SOX6: variants seen among roughly 807,000 people sequenced by gnomAD.
The protein encoded by SOX6 is transcription factor SOX-6.
SOX6 carries 11 observed loss-of-function variants against 97.8 expected under a neutral mutation model. The ratio of observed to expected loss-of-function variants is 0.11; its 90% confidence interval spans 0.07 to 0.19. The LOEUF (loss-of-function observed/expected upper bound fraction) is 0.19. SOX6 is among the 10% of genes least tolerant of loss of function. The pLI is 1.00. For missense variants in SOX6, 810 were observed against 1,039.5 expected (o/e 0.78, Z 3.04); for synonymous variants, 360 against 371.4 (o/e 0.97, Z 0.35).
At chr11:16,230,358 C>A (rs1241474499) in intron 4 of SOX6, among the ~76,000 whole-genome samples, 1 of 151,330 alleles carries the variant, frequency 6.6e-6, no homozygotes, top group African/African-American at 2.4e-5. Context: ...ATATAACTAC[C>A]AAAAAGGAAG....
intron 3 of SOX6, among the ~76,000 whole-genome samples, chr11:16,238,887 G>C (rs1420840215): frequency 6.6e-6 from 1 of 152,020 alleles, no homozygotes; most frequent in Non-Finnish European, 1.5e-5. Flanking sequence ...TTAACACTTT[G>C]AGAAAATAGT....
At chr11:16,173,904 G>A (rs893762309) in intron 6 of SOX6, among the ~76,000 whole-genome samples, 2 of 151,486 alleles carry the variant, frequency 1.3e-5, no homozygotes, top group Non-Finnish European at 2.9e-5. Flanking sequence ...AGGATGGAGT[G>A]CAGTGATCAT....
intron 3 of SOX6, among the ~76,000 whole-genome samples, chr11:16,647,045 T>G (rs548802237): frequency 6.6e-6 from 1 of 152,262 alleles, no homozygotes; most frequent in African/African-American, 2.4e-5. Flanking sequence ...CACACCAACA[T>G]TTATTATTTT....
chr11:15,993,501 C>G (rs1301194723), intron 13 of SOX6, among the ~76,000 whole-genome samples: 1 of 152,132 alleles, frequency 6.6e-6, no homozygotes, highest in Non-Finnish European at 1.5e-5. Flanking sequence ...AGACGGCTTT[C>G]CAGCTGACCT....
chr11:16,130,558 G>C (rs930359728), intron 6 of SOX6, among the ~76,000 whole-genome samples: 13 of 151,846 alleles, frequency 8.6e-5, no homozygotes, highest in African/African-American at 3.1e-4. Flanking sequence ...ATAGTGTTAA[G>C]ACAGCAAGTC....
chr11:16,503,410 T>C (rs1460805216), intron 4 of SOX6, among the ~76,000 whole-genome samples: 4 of 152,150 alleles, frequency 2.6e-5, no homozygotes, highest in Non-Finnish European at 5.9e-5. Flanking sequence ...CAGAAATCAA[T>C]TCATAAAATG....
intron 2 of SOX6, among the ~76,000 whole-genome samples, chr11:16,727,839 C>T (rs1848319130): frequency 6.6e-6 from 1 of 152,082 alleles, no homozygotes; most frequent in Admixed American, 6.6e-5. Flanking sequence ...TGCTCTGGAT[C>T]AGTGTTTATT....
intron 4 of SOX6, among the ~76,000 whole-genome samples, chr11:16,193,253 T>C (rs1195476092): frequency 6.6e-6 from 1 of 152,086 alleles, no homozygotes; most frequent in East Asian, 1.9e-4. Flanking sequence ...ACAATTGCAA[T>C]CCTAGCAATT....
intron 1 of SOX6, among the ~76,000 whole-genome samples, chr11:16,436,423 C>T (rs1197939266): frequency 2.6e-5 from 4 of 152,090 alleles, no homozygotes; most frequent in Non-Finnish European, 4.4e-5. Flanking sequence ...CCTCTTCCCT[C>T]GCTCTCTGTC....
chr11:16,727,378 A>G (rs2134057601), intron 2 of SOX6, among the ~76,000 whole-genome samples: 1 of 138,020 alleles, frequency 7.2e-6, no homozygotes, highest in East Asian at 2.1e-4. Flanking sequence ...ATAGTATTCC[A>G]CTGTATGGAT....
chr11:16,503,471 A>C (rs1245703828), intron 4 of SOX6, among the ~76,000 whole-genome samples: 4 of 152,236 alleles, frequency 2.6e-5, no homozygotes, highest in Non-Finnish European at 4.4e-5. Context: ...TAAAAGGATT[A>C]AACTTTCTAC....
rs1245506056 is a variant in SOX6 at position 16,300,699 on chromosome 11, C to G, written c.445+17747G>C. ...GCTAACGAAAACTGAAGTTCATCAC[C>G]AGAGAAACCTGCGGCTGTTCACCTT... is the stretch of plus-strand genomic sequence containing the variant. On this transcript the variant is annotated intron_variant, in intron 3 of 15. Coordinates refer to ENST00000683767, the MANE Select transcript of SOX6 (RefSeq NM_001367873.1). This position sits in a 1 kb window ranked among gnomAD's most constrained non-coding sequence, Gnocchi z 4.1. Among the ~76,000 whole-genome samples, 7 of 152,122 alleles carry G rather than the reference C, an allele frequency of 4.6e-5. No homozygotes were observed. Among genetic ancestry groups the G allele is most frequent in the African/African-American group, 1.7e-4 (7 of 41,422 alleles).
chr11:16,474,313 T>TA (rs1348187299), intron 1 of SOX6, among the ~76,000 whole-genome samples: 2 of 152,228 alleles, frequency 1.3e-5, no homozygotes, highest in African/African-American at 4.8e-5. Flanking sequence ...TTCTTAATGG[T>TA]ATCTAGAATG....
intron 12 of SOX6, among the ~76,000 whole-genome samples, chr11:16,036,078 C>CTTTT (rs767508048): frequency 7.5e-6 from 1 of 133,810 alleles, no homozygotes; most frequent in Admixed American, 7.6e-5. Flanking sequence ...TGATTCAACT[C>CTTTT]TTTTTTTTTT....
intron 1 of SOX6, among the ~76,000 whole-genome samples, chr11:16,737,812 C>T (rs1420852768): frequency 6.6e-6 from 1 of 152,094 alleles, no homozygotes; most frequent in Non-Finnish European, 1.5e-5. Flanking sequence ...GACAGCTGCA[C>T]ACGATTGTGA....
At chr11:16,572,463 A>G (rs562154276) in intron 4 of SOX6, among the ~76,000 whole-genome samples, 105 of 152,342 alleles carry the variant, frequency 6.9e-4, no homozygotes, top group Admixed American at 1.7e-3. Context: ...GACAAAAATG[A>G]CTAATATTTC....
chr11:16,312,554 G>C (rs1474418401), intron 3 of SOX6: 1 of 152,172 alleles, frequency 6.6e-6, no homozygotes, highest in South Asian at 2.1e-4. Context: ...AGACGGTCCT[G>C]GATTACAAGC....
At chr11:16,443,232 C>G (rs533336672) in intron 1 of SOX6, among the ~76,000 whole-genome samples, 12 of 152,282 alleles carry the variant, frequency 7.9e-5, no homozygotes, top group African/African-American at 2.9e-4. Flanking sequence ...TCATTCATAT[C>G]TCAATTCTAA....
intron 1 of SOX6, among the ~76,000 whole-genome samples, chr11:16,410,262 A>G (rs535488823): frequency 3.5e-4 from 54 of 152,350 alleles, no homozygotes; most frequent in African/African-American, 1.3e-3. Flanking sequence ...TAAAAATAAA[A>G]TAATAAAATA....
Sources: allele counts gnomAD v4.1 joint callset (sites outside exome capture counted in the v4.1 genomes callset), GRCh38; gene constraint gnomAD v4.1.1; non-coding constraint Gnocchi (gnomAD v3.1); transcripts MANE v1.5; gene names NCBI Gene and HGNC (gene_info 2026-07-23, HGNC 2026-07-21).